The following RBM6 variants were observed in gnomAD, a reference collection of about 807,000 sequenced individuals.
The protein encoded by RBM6 is RNA-binding protein 6.
Under a neutral mutation model 140.4 loss-of-function variants are expected in RBM6, and 23 were observed. The ratio of observed to expected loss-of-function variants is 0.16; its 90% CI spans 0.12 to 0.23. The LOEUF (loss-of-function observed/expected upper bound fraction) is 0.23, where lower values mean the gene tolerates loss of function less well. Among genes scored for constraint, RBM6 ranks in the 10% least tolerant of loss-of-function variants. The pLI is 1.00. For synonymous variants in RBM6, 439 were observed against 475.6 expected (o/e 0.92, Z 1.00); for missense variants, 1,139 against 1,386.7 (o/e 0.82, Z 2.84).
intron 6 of RBM6, among the ~76,000 whole-genome samples, chr3:50,013,255 G>A (rs1380968809): frequency 2.0e-5 from 3 of 152,058 alleles, no homozygotes; most frequent in South Asian, 2.1e-4. Context: ...TTACTTTGTC[G>A]GTGTCTCCAA....
At chr3:49,994,372 A>G (rs1303636529) in intron 5 of RBM6, among the ~76,000 whole-genome samples, 1 of 152,094 alleles carries the variant, frequency 6.6e-6, no homozygotes, top group African/African-American at 2.4e-5. Flanking sequence ...CTCGCATGAG[A>G]TTTTAACAGA....
intron 6 of RBM6, among the ~76,000 whole-genome samples, chr3:50,039,983 G>A (rs980677341): frequency 1.4e-4 from 21 of 152,082 alleles, no homozygotes; most frequent in African/African-American, 5.1e-4. Context: ...CTATGTTCCT[G>A]GAGCCAAGTT....
intron 16 of RBM6, 27 bp downstream of exon 16, chr3:50,065,153 C>T: frequency 2.6e-6 from 4 of 1,550,914 alleles, no homozygotes; most frequent in Non-Finnish European, 3.5e-6. Context: ...TCCCCTGGAC[C>T]TAGGGCTGGG....
At chr3:49,966,718 G>T (rs958202616) in intron 2 of RBM6, among the ~76,000 whole-genome samples, 1 of 152,048 alleles carries the variant, frequency 6.6e-6, no homozygotes, top group East Asian at 1.9e-4. Context: ...ATGCTGTTGC[G>T]TGGCTTAGAT....
At position 50,021,811 on chromosome 3, in the gene RBM6, G is replaced by A. The variant is rs548035874; in HGVS notation, c.1557+22298G>A. On this transcript the variant is annotated intron_variant, in intron 6 of 20. Transcript: ENST00000266022. The stretch of plus-strand genomic sequence containing the variant: ...TTTGTTGCCCAGGCTGGAGTGTGGC[G>A]GCACGATCTTGGCTCACTGCAACCT... 1.2e-4 allele frequency among the ~76,000 whole-genome samples: 16 copies of A among 128,182 alleles called. No individual in the cohort carries two copies. In the South Asian group the frequency reaches 3.2e-3, roughly 26 times the overall value. The allele number at this position is 128,182 out of a possible 152,430, so 84.1% of individuals were successfully genotyped here.
At chr3:50,051,197 G>A (rs1228351813) in intron 7 of RBM6, among the ~76,000 whole-genome samples, 1 of 151,984 alleles carries the variant, frequency 6.6e-6, no homozygotes, top group Non-Finnish European at 1.5e-5. Context: ...AAATTTAACT[G>A]GGTGTGGTGG....
rs1235958383 is a variant in RBM6, at chr3:49,972,095, C to T, written c.1360C>T (p.Pro454Ser). 1 of 1,613,260 alleles carries T rather than the reference C, an allele frequency of 6.2e-7. No homozygotes were observed. The highest frequency in any genetic ancestry group is 8.5e-7 in the Non-Finnish European group (1 of 1,179,534). Residue 454 changes from proline (P) to serine (S), a missense_variant, in exon 4 of 21, where the codon CCC becomes TCC. This residue lies in a region of RBM6 where 566 missense variants were observed against 612.7 expected (regional missense o/e 0.92). Transcript: ENST00000266022. ...TAGGACCGGCCCAAGTGAGGAGAAA[C>T]CCAGCAGGCTTATTCGATTAAGTGG... is the stretch of plus-strand genomic sequence containing the variant. ...DYRTGPSEEK[P>S]SRLIRLSGVP...
At chr3:50,016,824 G>GT (rs71080567) in intron 6 of RBM6, among the ~76,000 whole-genome samples, 31,411 of 85,660 alleles carry the variant, frequency 0.37, 5,885 homozygotes, top group African/African-American at 0.53. Flanking sequence ...CATGCCTAGC[G>GT]TTTTTTTTTT....
intron 6 of RBM6, among the ~76,000 whole-genome samples, chr3:50,027,408 TA>T (rs2087902884): frequency 6.6e-6 from 1 of 152,176 alleles, no homozygotes; most frequent in South Asian, 2.1e-4. Flanking sequence ...AGTATATTCA[TA>T]AAATTGTGCA....
intron 5 of RBM6, among the ~76,000 whole-genome samples, chr3:49,989,364 C>T (rs1214476088): frequency 6.6e-6 from 1 of 152,038 alleles, no homozygotes; most frequent in East Asian, 1.9e-4. Flanking sequence ...CACTTGAGGT[C>T]AGGAGTTCAA....
At chr3:50,064,487 T>C (rs1394941777) in intron 15 of RBM6, among the ~76,000 whole-genome samples, 1 of 152,122 alleles carries the variant, frequency 6.6e-6, no homozygotes, top group Non-Finnish European at 1.5e-5. Flanking sequence ...ACAGTAATCA[T>C]GCAATATATA....
At chr3:50,070,026 A>G (rs544369573) in intron 18 of RBM6, among the ~76,000 whole-genome samples, 1 of 152,272 alleles carries the variant, frequency 6.6e-6, no homozygotes, top group East Asian at 1.9e-4. Flanking sequence ...GGAGTGAGAG[A>G]TTCCAGGAGT....
intron 15 of RBM6, 23 bp from the exon 16 acceptor site, chr3:50,065,008 A>G (rs761570580): frequency 2.5e-6 from 4 of 1,580,270 alleles, no homozygotes; most frequent in Non-Finnish European, 3.5e-6. Context: ...ATATCATGTG[A>G]GAGTTACCTC....
At chr3:49,972,849 G>A (rs767812312) in intron 4 of RBM6, among the ~76,000 whole-genome samples, 20 of 152,086 alleles carry the variant, frequency 1.3e-4, no homozygotes, top group Non-Finnish European at 2.4e-4. Flanking sequence ...CCTGTAACTC[G>A]GAGACAGAGT....
At chr3:49,964,387 T>TA (rs2084414458) in intron 2 of RBM6, among the ~76,000 whole-genome samples, 1 of 152,206 alleles carries the variant, frequency 6.6e-6, no homozygotes, top group African/African-American at 2.4e-5. Context: ...GTCTTTAAAT[T>TA]AAAACAACAG....
intron 6 of RBM6, among the ~76,000 whole-genome samples, chr3:50,039,597 T>A (rs1199628186): frequency 6.6e-6 from 1 of 151,840 alleles, no homozygotes. Flanking sequence ...AAGGTTTTTA[T>A]AAATGTTAGG....
At chr3:49,949,936 T>A (rs2083661187) in intron 1 of RBM6, among the ~76,000 whole-genome samples, 1 of 152,162 alleles carries the variant, frequency 6.6e-6, no homozygotes, top group Non-Finnish European at 1.5e-5. Context: ...TTGGCCAGGC[T>A]GGTTTTGAAT....
intron 6 of RBM6, among the ~76,000 whole-genome samples, chr3:50,035,681 C>CA (rs978232831): frequency 6.8e-5 from 10 of 147,884 alleles, no homozygotes; most frequent in Non-Finnish European, 1.2e-4. Context: ...GACTCCGTCT[C>CA]AAAAAAAAAT....
intron 14 of RBM6, chr3:50,061,751 A>G (rs1036105460): frequency 5.2e-6 from 7 of 1,337,238 alleles, no homozygotes; most frequent in Non-Finnish European, 6.9e-6. Context: ...CAATACAGGT[A>G]AGAACAGTGT....
Sources: allele counts gnomAD v4.1 joint callset (sites outside exome capture counted in the v4.1 genomes callset), GRCh38; gene constraint gnomAD v4.1.1; regional missense constraint gnomAD v4.1.1; transcripts MANE v1.5; gene names NCBI Gene and HGNC (gene_info 2026-07-23, HGNC 2026-07-21).